Variants in CNBD1 observed in about 807,000 individuals in gnomAD.
CNBD1 encodes cyclic nucleotide binding domain containing 1, also known as cyclic nucleotide-binding domain-containing protein 1.
A neutral mutation model predicts 54.4 loss-of-function variants in CNBD1; 71 were observed. The observed-to-expected ratio is 1.30, with a 90% confidence interval of 1.08 to 1.59. The LOEUF (loss-of-function observed/expected upper bound fraction) is 1.59, where lower values mean the gene tolerates loss of function less well. Among genes scored for constraint, CNBD1 ranks in the 40% most tolerant of loss-of-function variants. CNBD1 has a pLI of 0.00. For missense variants in CNBD1, 659 were observed against 518.0 expected, an observed-to-expected ratio of 1.27 and a Z score of -2.64; for synonymous variants, 182 against 170.7, an observed-to-expected ratio of 1.07 and a Z score of -0.51.
intron 8 of CNBD1, among the ~76,000 whole-genome samples, chr8:87,345,601 A>G (rs1204992686): frequency 6.6e-6 from 1 of 152,208 alleles, no homozygotes; most frequent in Non-Finnish European, 1.5e-5. Context: ...TAATTTATAT[A>G]ATCAACAATA....
At chr8:87,304,377 A>G (rs1809091648) in intron 8 of CNBD1, among the ~76,000 whole-genome samples, 1 of 152,164 alleles carries the variant, frequency 6.6e-6, no homozygotes. Flanking sequence ...TCAGCAAACT[A>G]TCACAAGGAC....
chr8:87,139,209 A>G (rs1329002119), intron 4 of CNBD1, among the ~76,000 whole-genome samples: 1 of 152,242 alleles, frequency 6.6e-6, no homozygotes, highest in Non-Finnish European at 1.5e-5. Flanking sequence ...ATGGAAAGGA[A>G]GGTGATAGCA....
chr8:86,879,241 A>C (rs1009668649), intron 1 of CNBD1, among the ~76,000 whole-genome samples: 6 of 152,172 alleles, frequency 3.9e-5, no homozygotes, highest in African/African-American at 7.2e-5. Flanking sequence ...TCATTATGAT[A>C]AGTTCTAGTG....
At chr8:87,404,924 C>T (rs562933150) in intron 2 of CNBD1, among the ~76,000 whole-genome samples, 8 of 152,074 alleles carry the variant, frequency 5.3e-5, no homozygotes, top group Admixed American at 2.6e-4. Context: ...TCTGTATGTA[C>T]GTATCTAGGC....
At chr8:87,317,679 G>T (rs192393073) in intron 8 of CNBD1, among the ~76,000 whole-genome samples, 1 of 151,794 alleles carries the variant, frequency 6.6e-6, no homozygotes, top group Non-Finnish European at 1.5e-5. Flanking sequence ...GGTCTGTGTC[G>T]ATAAGTGTTC....
chr8:87,381,003 A>T (rs78112359), intron 10 of CNBD1, among the ~76,000 whole-genome samples: 2,286 of 152,174 alleles, frequency 0.015, 59 homozygotes, highest in African/African-American at 0.049. Flanking sequence ...CATGGATGTG[A>T]CACCAAAAGC....
At chr8:86,999,302 TC>T (rs1290172430) in intron 4 of CNBD1, among the ~76,000 whole-genome samples, 1 of 152,226 alleles carries the variant, frequency 6.6e-6, no homozygotes, top group Non-Finnish European at 1.5e-5. Context: ...GGACTTGTCC[TC>T]TGGTTATGGT....
intron 2 of CNBD1, among the ~76,000 whole-genome samples, chr8:87,392,865 G>C (rs1404659501): frequency 1.3e-5 from 2 of 151,908 alleles, no homozygotes; most frequent in Admixed American, 1.3e-4. Context: ...GATGATGTCT[G>C]GGACTAGCTT....
At chr8:87,052,859 C>T (rs928309584) in intron 4 of CNBD1, among the ~76,000 whole-genome samples, 3 of 152,176 alleles carry the variant, frequency 2.0e-5, no homozygotes, top group Non-Finnish European at 4.4e-5. Flanking sequence ...CCAGGTCTCC[C>T]TTTATTTGCC....
intron 4 of CNBD1, among the ~76,000 whole-genome samples, chr8:87,180,153 T>C (rs1013343237): frequency 6.6e-6 from 1 of 151,430 alleles, no homozygotes; most frequent in Non-Finnish European, 1.5e-5. Flanking sequence ...GAAATGCATA[T>C]AGAAAAAAAA....
chr8:86,968,490 C>T (rs770789052), intron 4 of CNBD1, among the ~76,000 whole-genome samples: 4 of 152,110 alleles, frequency 2.6e-5, no homozygotes, highest in Non-Finnish European at 4.4e-5. Flanking sequence ...TCAAAGAGAA[C>T]GACTAAGGCA....
chr8:87,195,522 C>T (rs1283110005), intron 4 of CNBD1, among the ~76,000 whole-genome samples: 2 of 150,702 alleles, frequency 1.3e-5, no homozygotes, highest in African/African-American at 4.9e-5. Flanking sequence ...GTCACCATGC[C>T]CAGCTGAATA....
intron 4 of CNBD1, among the ~76,000 whole-genome samples, chr8:87,000,356 G>A (rs1354990085): frequency 6.6e-6 from 1 of 152,184 alleles, no homozygotes; most frequent in Non-Finnish European, 1.5e-5. Flanking sequence ...CCCCAGCCAT[G>A]TGGGACTGTG....
intron 4 of CNBD1, among the ~76,000 whole-genome samples, chr8:87,101,023 G>A (rs567684228): frequency 6.6e-6 from 1 of 152,274 alleles, no homozygotes; most frequent in Non-Finnish European, 1.5e-5. Context: ...TGGCCACTGG[G>A]GGAGAAAGAT....
chr8:87,194,969 C>T (rs777115857), intron 4 of CNBD1, among the ~76,000 whole-genome samples: 83 of 152,114 alleles, frequency 5.5e-4, no homozygotes, highest in African/African-American at 1.8e-3. Flanking sequence ...CTGCAACCTC[C>T]GCCTCCTGGG....
At chr8:86,893,862 C>T (rs1808808128) in intron 2 of CNBD1, among the ~76,000 whole-genome samples, 1 of 151,944 alleles carries the variant, frequency 6.6e-6, no homozygotes, top group East Asian at 1.9e-4. Context: ...TCCATTGTAT[C>T]TCTATTGTTT....
At chr8:87,095,126 C>A (rs1811291878) in intron 4 of CNBD1, among the ~76,000 whole-genome samples, 1 of 152,184 alleles carries the variant, frequency 6.6e-6, no homozygotes, top group East Asian at 1.9e-4. Context: ...GGCCTCTTCA[C>A]CTAAAGTGTG....
chr8:86,994,788 T>C (rs1217399032), intron 4 of CNBD1, among the ~76,000 whole-genome samples: 1 of 152,070 alleles, frequency 6.6e-6, no homozygotes, highest in Non-Finnish European at 1.5e-5. Context: ...CTGCTCAAAG[T>C]AGGTTGGTTT....
At chr8:87,142,098 T>C (rs1358430980) in intron 4 of CNBD1, among the ~76,000 whole-genome samples, 6 of 152,132 alleles carry the variant, frequency 3.9e-5, no homozygotes, top group Non-Finnish European at 8.8e-5. Flanking sequence ...TCAAGAAATT[T>C]TTGAAATCTA....
Sources: gnomAD v4.1 joint callset for allele counts (sites outside exome capture counted in the v4.1 genomes callset) on GRCh38, gnomAD v4.1.1 for gene constraint, MANE v1.5 for transcripts, NCBI Gene and HGNC (gene_info 2026-07-23, HGNC 2026-07-21) for gene names.